CD6: variants seen among roughly 807,000 people sequenced by gnomAD.
CD6 encodes the protein T-cell differentiation antigen CD6.
Under a neutral mutation model 75.3 loss-of-function variants are expected in CD6, and 53 were observed. The observed-to-expected ratio is 0.70, with a 90% CI of 0.56 to 0.88. The LOEUF (loss-of-function observed/expected upper bound fraction) is 0.88, where lower values mean the gene tolerates loss of function less well. Ranked by LOEUF, CD6 falls within the 40% of genes least tolerant of loss-of-function variation. The pLI, the probability that CD6 is intolerant of heterozygous loss-of-function variation, is 0.00. For synonymous variants in CD6, 359 were observed against 381.5 expected (o/e 0.94, Z 0.69); for missense variants, 770 against 897.1 (o/e 0.86, Z 1.81).
chr11:61,009,986 A>G, intron 5 of CD6, 112 bp downstream of exon 5: 1 of 1,043,252 alleles, frequency 9.6e-7, no homozygotes, highest in South Asian at 1.7e-5. Flanking sequence ...GCAATGGCAC[A>G]TATGGCATAA....
intron 1 of CD6, chr11:60,985,174 C>CTTTTT (rs71043735): frequency 5.0e-5 from 3 of 59,964 alleles, no homozygotes; most frequent in Non-Finnish European, 6.7e-5. Context: ...GCACCCACTC[C>CTTTTT]TTTTTTTTTT....
In CD6 at chr11:60,996,799, C is replaced by T. The variant is rs914588586; in HGVS notation, c.50-9775C>T. On this transcript the variant is annotated intron_variant, in intron 1 of 12. Transcript: ENST00000313421. Reference sequence around the variant, plus strand: ...CGCTGCACTGGGAGCCTGACCTCCCCGTGGGCCTTGGGGATACTCTTCCTT... The same window carrying T: ...CGCTGCACTGGGAGCCTGACCTCCCTGTGGGCCTTGGGGATACTCTTCCTT... Among the ~76,000 whole-genome samples the T allele has an allele frequency of 2.6e-5, 4 of 152,164 alleles. No individual in the cohort carries two copies. The South Asian group carries it at 6.2e-4, about 24-fold the overall frequency.
intron 1 of CD6, among the ~76,000 whole-genome samples, chr11:60,998,938 C>G (rs1858439049): frequency 6.6e-6 from 1 of 151,728 alleles, no homozygotes; most frequent in South Asian, 2.1e-4. Context: ...GCAGGCGGAT[C>G]ACCTGAGGTC....
intron 1 of CD6, among the ~76,000 whole-genome samples, chr11:60,999,561 T>G (rs1858477028): frequency 6.6e-6 from 1 of 152,064 alleles, no homozygotes. Context: ...ATTCTGCTTC[T>G]GCCACTTAAC....
intron 12 of CD6, 170 bp from the exon 13 acceptor site, chr11:61,019,084 C>G: frequency 3.4e-6 from 2 of 582,844 alleles, no homozygotes; most frequent in East Asian, 2.8e-5. Context: ...AGGCTATTCC[C>G]TCAGTGCTGA....
intron 1 of CD6, among the ~76,000 whole-genome samples, chr11:60,985,331 G>A (rs1166225802): frequency 3.3e-5 from 5 of 151,640 alleles, no homozygotes; most frequent in Non-Finnish European, 5.9e-5. Flanking sequence ...TTACAGGCAT[G>A]CACCACCATT....
In CD6 at chr11:60,998,849, G is replaced by GA. The variant is rs56391909; in HGVS notation, c.50-7706dup. Among the ~76,000 whole-genome samples the GA allele has an allele frequency of 2.0e-3, 262 of 129,334 alleles. 2 individuals are homozygous for GA. The highest frequency in any genetic ancestry group is 5.7e-3 in the African/African-American group (196 of 34,254). 84.8% of individuals were successfully genotyped at this position (129,334 alleles called of 152,430 possible). A position where few individuals can be genotyped will look rare whatever the true frequency, so the allele number is the denominator to read the frequency against. ...GAAAAAATTAGAACAACACAAGGCA[G>GA]AAAAAAAAAAAAAAAAAAAGGAAAA... On this transcript the variant is annotated intron_variant, in intron 1 of 12. Coordinates refer to ENST00000313421, the MANE Select transcript of CD6 (RefSeq NM_006725.5).
At chr11:61,003,275 C>T (rs1241849598) in intron 1 of CD6, among the ~76,000 whole-genome samples, 1 of 151,762 alleles carries the variant, frequency 6.6e-6, no homozygotes, top group Non-Finnish European at 1.5e-5. Flanking sequence ...CTAATCAATT[C>T]TTAAACATCC....
At position 61,006,591 on chromosome 11, in the gene CD6, C is replaced by G. The variant is rs1446434764; in HGVS notation, c.67C>G (p.Pro23Ala). The G allele has an allele frequency of 6.2e-7, 1 of 1,609,168 alleles. No homozygotes were observed. Among genetic ancestry groups the G allele is most frequent in the African/African-American group, 1.3e-5 (1 of 74,860 alleles). Residue 23 changes from proline (P) to alanine (A), a missense_variant, in exon 2 of 13, where the codon CCA (proline) becomes GCA (alanine). By Grantham distance (27) the Pro-to-Ala change is conservative (BLOSUM62 -1). Coordinates refer to ENST00000313421, the MANE Select transcript of CD6 (RefSeq NM_006725.5). Reference protein sequence around the residue: ...AALSGHPSPAPPDQLNTSSAE... With the variant: ...AALSGHPSPAAPDQLNTSSAE... ...CATTTCAGGTCATCCATCTCCAGCCCCACCTGACCAGCTCAACACCAGCAG... is the reference window on the plus strand; with the variant it reads ...CATTTCAGGTCATCCATCTCCAGCCGCACCTGACCAGCTCAACACCAGCAG...
At chr11:60,984,542 C>CT (rs1857721236) in intron 1 of CD6, among the ~76,000 whole-genome samples, 1 of 152,208 alleles carries the variant, frequency 6.6e-6, no homozygotes, top group Non-Finnish European at 1.5e-5. Flanking sequence ...GTGTTAGGCA[C>CT]TTTTTTTCAG....
intron 1 of CD6, among the ~76,000 whole-genome samples, chr11:60,992,113 C>T (rs891769459): frequency 1.3e-5 from 2 of 152,118 alleles, no homozygotes; most frequent in African/African-American, 2.4e-5. Flanking sequence ...TTCCTGCGCT[C>T]AAGCAATCCA....
chr11:60,988,498 G>A (rs1183701081), intron 1 of CD6, among the ~76,000 whole-genome samples: 1 of 152,194 alleles, frequency 6.6e-6, no homozygotes, highest in Admixed American at 6.5e-5. Flanking sequence ...AGTGGTAGGT[G>A]AGGAGGGGGC....
At position 61,018,090 on chromosome 11, in the gene CD6, C is replaced by T. The variant is rs188536731; in HGVS notation, c.1837+77C>T. The T allele has an allele frequency of 1.8e-4, 272 of 1,545,298 alleles. No homozygotes were observed. In the African/African-American group the frequency reaches 3.1e-3, roughly 18 times the overall value. ...AGGCATAAAGCTGGGAGCCCTGAGT[C>T]AGGCTGAGGTCAGGATTCTACCCAG... On this transcript the variant is annotated intron_variant, in intron 11 of 12. Transcript: ENST00000313421.
chr11:61,006,459 A>C, intron 1 of CD6, 115 bp from the exon 2 acceptor site: 2 of 786,996 alleles, frequency 2.5e-6, no homozygotes, highest in Admixed American at 4.5e-5. Flanking sequence ...GTCTTTTCCA[A>C]AGGCCTCATG....
At chr11:61,015,103 C>A (rs1004642385) in intron 8 of CD6, among the ~76,000 whole-genome samples, 2 of 152,072 alleles carry the variant, frequency 1.3e-5, no homozygotes, top group Non-Finnish European at 1.5e-5. Flanking sequence ...TAATAATGTA[C>A]CCACTTCACA....
At chr11:60,981,957 T>TG (rs1450515848) in intron 1 of CD6, among the ~76,000 whole-genome samples, 1 of 148,174 alleles carries the variant, frequency 6.7e-6, no homozygotes, top group East Asian at 2.0e-4. Context: ...TGCTAGGGGG[T>TG]GGGGGCACAC....
Position 60,998,021 on chromosome 11 carries a change from C to T in CD6, c.50-8553C>T, listed in dbSNP as rs550557039. Among the ~76,000 whole-genome samples, 5 of 152,292 alleles carry T rather than the reference C, an allele frequency of 3.3e-5. No homozygotes were observed. The South Asian group carries it at 1.0e-3, about 32-fold the overall frequency. ...ATGAGTGCTTTGTGTACCATGGGCC[C>T]ACTTCCGTGATGATAAATGGACGGT... On this transcript the variant is annotated intron_variant, in intron 1 of 12. Transcript: ENST00000313421.
intron 1 of CD6, among the ~76,000 whole-genome samples, chr11:60,987,726 G>A (rs1289058312): frequency 2.8e-5 from 4 of 142,038 alleles, no homozygotes; most frequent in Admixed American, 7.4e-5. Flanking sequence ...TCTTTCCATC[G>A]ATTTCTTACC....
At chr11:60,984,530 A>C (rs993841573) in intron 1 of CD6, among the ~76,000 whole-genome samples, 1 of 152,230 alleles carries the variant, frequency 6.6e-6, no homozygotes, top group Non-Finnish European at 1.5e-5. Context: ...AGCTACTAGT[A>C]TGTGTTAGGC....
Sources: allele counts gnomAD v4.1 joint callset (sites outside exome capture counted in the v4.1 genomes callset), GRCh38; gene constraint gnomAD v4.1.1; transcripts MANE v1.5; gene names NCBI Gene and HGNC (gene_info 2026-07-23, HGNC 2026-07-21).